Variants in GNAI2 observed in about 807,000 individuals in gnomAD.
GNAI2 encodes the protein guanine nucleotide-binding protein G(i) subunit alpha-2.
Under a neutral mutation model 36.8 loss-of-function variants are expected in GNAI2, and 4 were observed. That is an observed-to-expected ratio of 0.11 (90% CI 0.05 to 0.25). The LOEUF is 0.25. Ranked by LOEUF, GNAI2 falls within the 10% of genes least tolerant of loss-of-function variation. The probability of loss-of-function intolerance (pLI) is 1.00; values close to 1 mark genes in which losing one functional copy is unlikely to be tolerated. For missense variants in GNAI2, 230 were observed against 481.3 expected (o/e 0.48, Z 4.89); for synonymous variants, 194 against 194.1 (o/e 1.00, Z 0.01).
Position 50,236,274 on chromosome 3 carries a change from G to T in GNAI2, c.-62G>T, listed in dbSNP as rs1553700337. On this transcript the variant is annotated 5_prime_UTR_variant, in exon 1 of 9. Transcript: ENST00000313601. This position sits in a 1 kb window ranked among gnomAD's most constrained non-coding sequence, Gnocchi z 4.0. ...TGGTGGGAGCGGAGTGGGTCGGGCG[G>T]GGCCGAGCCGGGCCGTGGGCCGTGT... 1.6e-6 allele frequency: 2 copies of T among 1,236,446 alleles called. No homozygotes were observed. Among genetic ancestry groups the T allele is most frequent in the African/African-American group, 3.2e-5 (2 of 63,202 alleles). 76.6% of individuals were successfully genotyped at this position (1,236,446 alleles called of 1,614,324 possible). A position where few individuals can be genotyped will look rare whatever the true frequency, so the allele number is the denominator to read the frequency against.
At chr3:50,227,472 G>T (rs1017367154), upstream of GNAI2, 2 of 282,258 alleles carry the variant, frequency 7.1e-6, no homozygotes, top group Admixed American at 5.3e-5. This position sits in a 1 kb window ranked among gnomAD's most constrained non-coding sequence, Gnocchi z 5.9. Flanking sequence ...GGTCGGCCTC[G>T]GCTCCCGCGC....
intron 1 of GNAI2, chr3:50,239,969 C>G (rs1319906277): frequency 1.3e-5 from 2 of 152,312 alleles, no homozygotes; most frequent in Middle Eastern, 3.2e-3. Flanking sequence ...ATAGCAAGGG[C>G]TCAATGAAGT....
At chr3:50,230,729 C>G (rs1187745363), upstream of GNAI2, 1 of 849,196 alleles carries the variant, frequency 1.2e-6, no homozygotes, top group East Asian at 1.2e-4. Flanking sequence ...AGGGGCCACC[C>G]TCAACTCTGC....
chr3:50,236,488 C>G lies in GNAI2; in HGVS notation c.118+35C>G. ...CGTCCCGCACTGGGATCCTTGATTC[C>G]CAGCTCGAATCCCCAGACAAGGACT... On this transcript the variant is annotated intron_variant, in intron 1 of 8. Transcript: ENST00000313601. The surrounding 1 kb of genome is among the most constrained non-coding windows in gnomAD (Gnocchi z 4.0). 1 of 1,558,616 alleles carries G rather than the reference C, an allele frequency of 6.4e-7. No homozygotes were observed. The highest frequency in any genetic ancestry group is 8.6e-7 in the Non-Finnish European group (1 of 1,157,922).
At chr3:50,254,780 G>C (rs1553702947) in intron 4 of GNAI2, among the ~76,000 whole-genome samples, 1 of 152,242 alleles carries the variant, frequency 6.6e-6, no homozygotes, top group Non-Finnish European at 1.5e-5. Flanking sequence ...CACCCACTGT[G>C]TGCCCAGCAC....
In GNAI2 at chr3:50,256,735, G is replaced by A; in HGVS notation, c.606G>A (p.Val202=). Residue 202 remains valine, a synonymous_variant, in exon 6 of 9, where the codon GTG becomes GTA. Transcript: ENST00000313601. ...FKDLHFKMFD[V]GGQRSERKKW... The stretch of plus-strand genomic sequence containing the variant: ...TCTATATCTGCAGGATGTTTGATGT[G>A]GGTGGTCAGCGGTCTGAGCGGAAGA... The A allele has an allele frequency of 1.9e-6, 3 of 1,614,126 alleles. No homozygotes were observed. Among genetic ancestry groups the A allele is most frequent in the Non-Finnish European group, 2.5e-6 (3 of 1,179,958 alleles).
chr3:50,236,543 C>G lies in GNAI2; in HGVS notation c.118+90C>G. On this transcript the variant is annotated intron_variant, in intron 1 of 8. Coordinates refer to ENST00000313601, the MANE Select transcript of GNAI2 (RefSeq NM_002070.4). This position sits in a 1 kb window ranked among gnomAD's most constrained non-coding sequence, Gnocchi z 4.0. Reference sequence around the variant, plus strand: ...CCTCCCAGACTAGGGCTTCAAACTCCCAGACCCGGGCTGTCTGGGACCCCA... The same window carrying G: ...CCTCCCAGACTAGGGCTTCAAACTCGCAGACCCGGGCTGTCTGGGACCCCA... The G allele has an allele frequency of 6.7e-7, 1 of 1,486,652 alleles. No individual in the cohort carries two copies. The highest frequency in any genetic ancestry group is 1.5e-5 in the African/African-American group (1 of 67,516). The allele number at this position is 1,486,652 out of a possible 1,614,324, so 92.1% of individuals were successfully genotyped here. A position where few individuals can be genotyped will look rare whatever the true frequency, so the allele number is the denominator to read the frequency against.
intron 1 of GNAI2, among the ~76,000 whole-genome samples, chr3:50,250,866 A>G (rs1318583846): frequency 2.0e-5 from 3 of 150,648 alleles, no homozygotes; most frequent in African/African-American, 4.9e-5. Flanking sequence ...CTGGAGCGCA[A>G]TGGCACAATC....
At position 50,253,321 on chromosome 3, in the gene GNAI2, T is replaced by G; in HGVS notation, c.464+137T>G. 1.2e-4 allele frequency: 64 copies of G among 547,390 alleles called. No homozygotes were observed. The highest frequency in any genetic ancestry group is 1.4e-4 in the Non-Finnish European group (45 of 318,276). 33.9% of individuals were successfully genotyped at this position (547,390 alleles called of 1,614,324 possible). On this transcript the variant is annotated intron_variant, in intron 4 of 8. Transcript: ENST00000313601. The surrounding 1 kb of genome is among the most constrained non-coding windows in gnomAD (Gnocchi z 4.2). ...AACCGATGACTGTTAACCAAGGCCT[T>G]CCTGTTTTTTGGTTTGGGGGGTGGG...
At chr3:50,256,044 C>CAA (rs1170893603) in intron 4 of GNAI2, 148 bp from the exon 5 acceptor site, 1,775 of 142,504 alleles carry the variant, frequency 0.012, 4 homozygotes, top group South Asian at 0.016. Flanking sequence ...CACTCTGTCT[C>CAA]AAAAAAAAAA....
At chr3:50,227,162 G>A, upstream of GNAI2, 2 of 1,448,272 alleles carry the variant, frequency 1.4e-6, no homozygotes, top group Non-Finnish European at 1.8e-6. The surrounding 1 kb of genome is among the most constrained non-coding windows in gnomAD (Gnocchi z 5.9). Flanking sequence ...GGACGAAGCA[G>A]AAAGGCGGGT....
In GNAI2 at chr3:50,257,731, G is replaced by C. The variant is rs782577308; in HGVS notation, c.*24+17G>C. ...GGCGGGATGGTGAGCCAGAGGGGCT[G>C]TGGCAGGGTGCTGGGGAAGAACTAA... On this transcript the variant is annotated intron_variant, in intron 8 of 8. Coordinates refer to ENST00000313601, the MANE Select transcript of GNAI2 (RefSeq NM_002070.4). 19 of 1,432,576 alleles carry C rather than the reference G, an allele frequency of 1.3e-5. No homozygotes were observed. Among genetic ancestry groups the C allele is most frequent in the Middle Eastern group, 3.7e-4 (2 of 5,462 alleles). 88.7% of individuals were successfully genotyped at this position (1,432,576 alleles called of 1,614,324 possible).
rs1700661914 is a variant in GNAI2 at position 50,255,258 on chromosome 3, G to A, written c.465-934G>A. 6.6e-6 allele frequency among the ~76,000 whole-genome samples: 1 copy of A among 152,192 alleles called. No homozygotes were observed. The highest frequency in any genetic ancestry group is 1.5e-5 in the Non-Finnish European group (1 of 68,016). On this transcript the variant is annotated intron_variant, in intron 4 of 8. Coordinates refer to ENST00000313601, the MANE Select transcript of GNAI2 (RefSeq NM_002070.4). The surrounding 1 kb of genome is among the most constrained non-coding windows in gnomAD (Gnocchi z 4.0). ...GCCTGGGACCAGCCTCCAGGGCATG[G>A]CAGGGATATTGAGGCAGGCAGCAGA...
In GNAI2 at chr3:50,255,002, A is replaced by G. The variant is rs1003853369; in HGVS notation, c.465-1190A>G. Among the ~76,000 whole-genome samples, 1 of 152,214 alleles carries G rather than the reference A, an allele frequency of 6.6e-6. No homozygotes were observed. Among genetic ancestry groups the G allele is most frequent in the Non-Finnish European group, 1.5e-5 (1 of 68,020 alleles). On this transcript the variant is annotated intron_variant, in intron 4 of 8. Transcript: ENST00000313601. This position sits in a 1 kb window ranked among gnomAD's most constrained non-coding sequence, Gnocchi z 4.0. Reference sequence around the variant, plus strand: ...GGGAGAGGCTGGTGTGGAATGCACCATGGTACCTCCACATTGAGGACTCTG... The same window carrying G: ...GGGAGAGGCTGGTGTGGAATGCACCGTGGTACCTCCACATTGAGGACTCTG...
At position 50,252,318 on chromosome 3, in the gene GNAI2, C is replaced by A; in HGVS notation, c.162-79C>A. 1 of 1,507,726 alleles carries A rather than the reference C, an allele frequency of 6.6e-7. No homozygotes were observed. Among genetic ancestry groups the A allele is most frequent in the Non-Finnish European group, 9.2e-7 (1 of 1,087,286 alleles). The allele number at this position is 1,507,726 out of a possible 1,614,324, so 93.4% of individuals were successfully genotyped here. A position where few individuals can be genotyped will look rare whatever the true frequency, so the allele number is the denominator to read the frequency against. On this transcript the variant is annotated intron_variant, in intron 2 of 8. Coordinates refer to ENST00000313601, the MANE Select transcript of GNAI2 (RefSeq NM_002070.4). This position sits in a 1 kb window ranked among gnomAD's most constrained non-coding sequence, Gnocchi z 4.1. ...AGGGGCAGTTTTCCCTTCTCTGAAG[C>A]AGGTCCCAGTAGCCCCAGGCAGCCG...
upstream of GNAI2, chr3:50,227,114 G>A: frequency 7.3e-7 from 1 of 1,371,146 alleles, no homozygotes; most frequent in South Asian, 1.6e-5. This position sits in a 1 kb window ranked among gnomAD's most constrained non-coding sequence, Gnocchi z 5.9. Context: ...CGAGAAGGAG[G>A]GAGCGTCTCA....
Position 50,252,709 on chromosome 3 carries a change from C to CA in GNAI2, c.303+176dup, listed in dbSNP as rs1463580371. On this transcript the variant is annotated intron_variant, in intron 3 of 8. Coordinates refer to ENST00000313601, the MANE Select transcript of GNAI2 (RefSeq NM_002070.4). This position sits in a 1 kb window ranked among gnomAD's most constrained non-coding sequence, Gnocchi z 4.1. Reference sequence around the variant, plus strand: ...TGAAACCGCGTCTCTACTAAAAATACAAAAATTAGCCGAGCATGGTGGCAC... The same window carrying CA: ...TGAAACCGCGTCTCTACTAAAAATACAAAAAATTAGCCGAGCATGGTGGCAC... Among the ~76,000 whole-genome samples the CA allele has an allele frequency of 6.6e-6, 1 of 152,156 alleles. No homozygotes were observed. Among genetic ancestry groups the CA allele is most frequent in the African/African-American group, 2.4e-5 (1 of 41,422 alleles).
In GNAI2 at chr3:50,236,854, C is replaced by T. The variant is rs1700183744; in HGVS notation, c.118+401C>T. 6.6e-6 allele frequency among the ~76,000 whole-genome samples: 1 copy of T among 152,186 alleles called. No homozygotes were observed. The highest frequency in any genetic ancestry group is 2.4e-5 in the African/African-American group (1 of 41,462). On this transcript the variant is annotated intron_variant, in intron 1 of 8. Coordinates refer to ENST00000313601, the MANE Select transcript of GNAI2 (RefSeq NM_002070.4). The surrounding 1 kb of genome is among the most constrained non-coding windows in gnomAD (Gnocchi z 4.0). ...GCTCCGCTTGTTTTCCTCACCTGCGCCTTTTATTCCTATTGGGCATGAGCA... is the reference window on the plus strand; with the variant it reads ...GCTCCGCTTGTTTTCCTCACCTGCGTCTTTTATTCCTATTGGGCATGAGCA...
At chr3:50,232,592 T>A (rs1389896426), upstream of GNAI2, among the ~76,000 whole-genome samples, 1 of 152,208 alleles carries the variant, frequency 6.6e-6, no homozygotes, top group African/African-American at 2.4e-5. Flanking sequence ...GCCTACAGCC[T>A]CCAACTGCTG....
Sources: gnomAD v4.1 joint callset for allele counts (sites outside exome capture counted in the v4.1 genomes callset) on GRCh38, gnomAD v4.1.1 for gene constraint, Gnocchi (gnomAD v3.1) non-coding constraint, MANE v1.5 for transcripts, NCBI Gene and HGNC (gene_info 2026-07-23, HGNC 2026-07-21) for gene names.